The following PCSK6 variants were observed in gnomAD, a reference collection of about 807,000 sequenced individuals.
PCSK6 encodes the protein paired basic amino acid cleaving enzyme 4.
PCSK6 carries 85 observed loss-of-function variants against 123.3 expected under a neutral mutation model. That is an observed-to-expected ratio of 0.69 (90% confidence interval 0.58 to 0.83). PCSK6 has a LOEUF of 0.83. PCSK6 is among the 40% of genes least tolerant of loss of function. The pLI is 0.00. For missense variants in PCSK6, 1,191 were observed against 1,282.3 expected (o/e 0.93, Z 1.09); for synonymous variants, 508 against 516.0 (o/e 0.98, Z 0.21).
intron 13 of PCSK6, among the ~76,000 whole-genome samples, chr15:101,357,106 A>G (rs1236946421): frequency 3.3e-5 from 5 of 152,214 alleles, no homozygotes; most frequent in African/African-American, 1.2e-4. Flanking sequence ...TAACTTGCAG[A>G]GATTTGCAGG....
intron 13 of PCSK6, among the ~76,000 whole-genome samples, chr15:101,348,979 C>CGATA (rs1465232679): frequency 6.6e-6 from 1 of 152,210 alleles, no homozygotes; most frequent in African/African-American, 2.4e-5. Flanking sequence ...ATCTGTGCCC[C>CGATA]GATAGCTTAT....
chr15:101,323,105 C>G (rs529493890), intron 17 of PCSK6, among the ~76,000 whole-genome samples: 3 of 152,234 alleles, frequency 2.0e-5, no homozygotes, highest in Admixed American at 2.0e-4. Context: ...CAACTCCCAC[C>G]TGCAATGTCA....
intron 6 of PCSK6, among the ~76,000 whole-genome samples, chr15:101,404,452 A>G (rs1232415099): frequency 1.3e-5 from 2 of 152,174 alleles, no homozygotes; most frequent in African/African-American, 4.8e-5. Context: ...TGTCAGGGAC[A>G]CTGGGCCCAA....
chr15:101,362,455 G>T (rs12594076), intron 13 of PCSK6, among the ~76,000 whole-genome samples: 16,341 of 152,112 alleles, frequency 0.11, 1,967 homozygotes, highest in East Asian at 0.3. Context: ...GGGGCTGGAT[G>T]AGATCCCTGG....
intron 19 of PCSK6, among the ~76,000 whole-genome samples, chr15:101,316,808 G>A (rs1047395942): frequency 1.3e-5 from 2 of 152,188 alleles, no homozygotes; most frequent in Non-Finnish European, 2.9e-5. Context: ...GGAGCTGCAT[G>A]GGGTGCTCAT....
At chr15:101,475,652 ATTTTTTT>A (rs35792381) in intron 1 of PCSK6, among the ~76,000 whole-genome samples, 2 of 122,698 alleles carry the variant, frequency 1.6e-5, no homozygotes, top group African/African-American at 3.2e-5. Context: ...CACTTGGCTA[ATTTTTTT>A]TTTTTTTTTT....
At position 101,314,541 on chromosome 15, in the gene PCSK6, C is replaced by T. The variant is rs146906444; in HGVS notation, c.2570-1036G>A. Among the ~76,000 whole-genome samples, 932 of 152,270 alleles carry T rather than the reference C, an allele frequency of 6.1e-3. 7 individuals carry two copies. Among genetic ancestry groups the T allele is most frequent in the African/African-American group, 0.02 (814 of 41,542 alleles). Reference sequence around the variant, plus strand: ...TGCTCTGGACTCAGATGGGGCCTCTCGCTGCATCAAGGGAAAATCCCTTTG... The same window carrying T: ...TGCTCTGGACTCAGATGGGGCCTCTTGCTGCATCAAGGGAAAATCCCTTTG... On this transcript the variant is annotated intron_variant, in intron 19 of 21. Coordinates refer to ENST00000611716, the MANE Select transcript of PCSK6 (RefSeq NM_002570.5).
At chr15:101,364,611 G>C (rs1380412026) in intron 13 of PCSK6, among the ~76,000 whole-genome samples, 3 of 152,142 alleles carry the variant, frequency 2.0e-5, no homozygotes, top group Non-Finnish European at 2.9e-5. Flanking sequence ...GGAGGCGAAA[G>C]ACTTATATAC....
intron 13 of PCSK6, among the ~76,000 whole-genome samples, chr15:101,353,881 G>A (rs2040966321): frequency 6.6e-6 from 1 of 152,186 alleles, no homozygotes; most frequent in Non-Finnish European, 1.5e-5. Context: ...CTGGGTGGAG[G>A]AGCTTGGACT....
At chr15:101,438,583 G>A (rs189701537) in intron 2 of PCSK6, among the ~76,000 whole-genome samples, 4 of 152,280 alleles carry the variant, frequency 2.6e-5, no homozygotes, top group East Asian at 3.9e-4. Context: ...CCTCTCTCCC[G>A]AGGCATCCGC....
intron 13 of PCSK6, among the ~76,000 whole-genome samples, chr15:101,346,220 G>A (rs748428320): frequency 6.6e-6 from 1 of 152,174 alleles, no homozygotes; most frequent in African/African-American, 2.4e-5. Flanking sequence ...TAATCCCAAA[G>A]AAATAATTTT....
At chr15:101,384,222 C>A (rs2041992614) in intron 10 of PCSK6, 100 bp downstream of exon 10, 4 of 1,533,972 alleles carry the variant, frequency 2.6e-6, no homozygotes, top group Middle Eastern at 1.7e-4. Flanking sequence ...TTAATAATAA[C>A]AACTAATGCT....
At chr15:101,374,956 CTTT>C (rs764121036) in intron 11 of PCSK6, among the ~76,000 whole-genome samples, 3 of 143,580 alleles carry the variant, frequency 2.1e-5, no homozygotes, top group East Asian at 2.0e-4. Context: ...CATGAAATTA[CTTT>C]TTTTTTTTTT....
intron 1 of PCSK6, among the ~76,000 whole-genome samples, chr15:101,461,682 A>T (rs574501129): frequency 6.6e-6 from 1 of 152,200 alleles, no homozygotes; most frequent in African/African-American, 2.4e-5. Context: ...ATGCAAGGGT[A>T]TTTTAGCATT....
intron 1 of PCSK6, among the ~76,000 whole-genome samples, chr15:101,448,884 TGG>T (rs1199330924): frequency 6.6e-6 from 1 of 152,336 alleles, no homozygotes; most frequent in Non-Finnish European, 1.5e-5. Context: ...AAGGAAATCA[TGG>T]GAGGCCTATA....
rs750805538 is a variant in PCSK6 at position 101,366,325 on chromosome 15, C to A, written c.1729G>T (p.Asp577Tyr). The A allele has an allele frequency of 6.2e-7, 1 of 1,611,726 alleles. No homozygotes were observed. Among genetic ancestry groups the A allele is most frequent in the Admixed American group, 1.7e-5 (1 of 59,750 alleles). The change falls in exon 13 of 22, where the codon GAT becomes TAT. Residue 577 changes from aspartate to tyrosine, a missense_variant. Coordinates refer to ENST00000611716, the MANE Select transcript of PCSK6 (RefSeq NM_002570.5). ...KSQLLAKRLLDLSNEGFTNWE... is the reference protein window; with the variant it reads ...KSQLLAKRLLYLSNEGFTNWE... ...TTTGTAAACCCTTCATTGGAAAGAT[C>A]CAGCAACCTGCAATTGGAGGTGTGG... is the stretch of plus-strand genomic sequence containing the variant.
intron 13 of PCSK6, among the ~76,000 whole-genome samples, chr15:101,339,909 C>CT (rs2040560821): frequency 9.4e-6 from 1 of 105,946 alleles, no homozygotes; most frequent in South Asian, 2.4e-4. Context: ...GACCCTTTCT[C>CT]AATATATATA....
intron 6 of PCSK6, among the ~76,000 whole-genome samples, chr15:101,425,242 T>G (rs2056217225): frequency 6.6e-6 from 1 of 152,192 alleles, no homozygotes; most frequent in Non-Finnish European, 1.5e-5. Flanking sequence ...GGTGTGGGGT[T>G]GAGGCTGGCC....
intron 7 of PCSK6, among the ~76,000 whole-genome samples, chr15:101,396,033 G>A (rs903563): frequency 0.31 from 46,507 of 152,096 alleles, 7,743 homozygotes; most frequent in Non-Finnish European, 0.38. Context: ...AGGAGGAAAA[G>A]CAGATGGGGG....
Sources: allele counts gnomAD v4.1 joint callset (sites outside exome capture counted in the v4.1 genomes callset), GRCh38; gene constraint gnomAD v4.1.1; transcripts MANE v1.5; gene names NCBI Gene and HGNC (gene_info 2026-07-23, HGNC 2026-07-21).